Variants in CLSTN2 observed in about 807,000 individuals in gnomAD.
CLSTN2 encodes the protein calsyntenin 2.
A neutral mutation model predicts 101.2 loss-of-function variants in CLSTN2; 48 were observed. The ratio of observed to expected loss-of-function variants is 0.47; its 90% CI spans 0.38 to 0.60. CLSTN2 has a LOEUF of 0.60. Among genes scored for constraint, CLSTN2 ranks in the 20% least tolerant of loss-of-function variants. CLSTN2 has a pLI of 0.00. For synonymous variants in CLSTN2, 481 were observed against 463.6 expected (o/e 1.04, Z -0.48); for missense variants, 1,160 against 1,238.2 (o/e 0.94, Z 0.95).
intron 1 of CLSTN2, among the ~76,000 whole-genome samples, chr3:140,055,066 T>C (rs745889871): frequency 6.6e-6 from 1 of 152,234 alleles, no homozygotes; most frequent in Non-Finnish European, 1.5e-5. Flanking sequence ...TTCTGTTTTA[T>C]TAATGTTGGA....
At chr3:140,251,750 G>C (rs1559819547) in intron 2 of CLSTN2, among the ~76,000 whole-genome samples, 1 of 152,050 alleles carries the variant, frequency 6.6e-6, no homozygotes, top group Admixed American at 6.6e-5. Context: ...GTAAGGACAG[G>C]TTTCTGCCTT....
intron 1 of CLSTN2, among the ~76,000 whole-genome samples, chr3:140,051,004 G>A (rs1166666170): frequency 6.6e-6 from 1 of 152,178 alleles, no homozygotes; most frequent in Admixed American, 6.5e-5. Flanking sequence ...AACACACAAA[G>A]GGCACATTTG....
intron 6 of CLSTN2, chr3:140,454,294 G>C (rs550582645): frequency 2.0e-5 from 3 of 152,154 alleles, no homozygotes; most frequent in Admixed American, 1.3e-4. Context: ...AAAGCAACTA[G>C]GTATCCATGG....
chr3:139,959,231 A>G (rs1351914944), intron 1 of CLSTN2, among the ~76,000 whole-genome samples: 1 of 151,956 alleles, frequency 6.6e-6, no homozygotes, highest in Non-Finnish European at 1.5e-5. Flanking sequence ...GGCTGTGGAG[A>G]CCGTGTCTCC....
chr3:140,132,742 T>A (rs2009541659), intron 1 of CLSTN2, among the ~76,000 whole-genome samples: 1 of 152,210 alleles, frequency 6.6e-6, no homozygotes, highest in African/African-American at 2.4e-5. Flanking sequence ...TGCAAAACAG[T>A]TCTTGCAAAA....
intron 1 of CLSTN2, among the ~76,000 whole-genome samples, chr3:139,965,223 A>G (rs577971681): frequency 6.6e-6 from 1 of 152,318 alleles, no homozygotes; most frequent in East Asian, 1.9e-4. Flanking sequence ...GTGGTTCTGC[A>G]TGGGAAGGAT....
At chr3:140,220,275 G>A (rs900565877) in intron 2 of CLSTN2, among the ~76,000 whole-genome samples, 5 of 152,296 alleles carry the variant, frequency 3.3e-5, no homozygotes, top group Middle Eastern at 6.8e-3. Flanking sequence ...CAATGCCATG[G>A]CATAATGATC....
chr3:140,458,997 G>A (rs772381782), intron 6 of CLSTN2, among the ~76,000 whole-genome samples: 45 of 152,270 alleles, frequency 3.0e-4, no homozygotes, highest in Non-Finnish European at 3.8e-4. Context: ...CTTCTTATGG[G>A]ATCAGGATCT....
chr3:140,509,734 C>T (rs557057390), intron 8 of CLSTN2, among the ~76,000 whole-genome samples: 4 of 152,306 alleles, frequency 2.6e-5, no homozygotes, highest in South Asian at 2.1e-4. Context: ...ACCCCCACTT[C>T]GTTGAGACTG....
intron 1 of CLSTN2, among the ~76,000 whole-genome samples, chr3:139,936,347 A>C (rs866778635): frequency 6.6e-6 from 1 of 152,042 alleles, no homozygotes; most frequent in Admixed American, 6.5e-5. Flanking sequence ...GCGAGGGAAG[A>C]GCAGAGCTGG....
intron 8 of CLSTN2, among the ~76,000 whole-genome samples, chr3:140,490,449 A>G (rs1248902919): frequency 6.6e-6 from 1 of 151,680 alleles, no homozygotes; most frequent in Non-Finnish European, 1.5e-5. Context: ...CACTTATTCC[A>G]GAAAACTGAA....
intron 10 of CLSTN2, among the ~76,000 whole-genome samples, chr3:140,552,031 G>C (rs1935713280): frequency 6.6e-6 from 1 of 151,962 alleles, no homozygotes; most frequent in African/African-American, 2.4e-5. Context: ...TGGACCATGG[G>C]CAGGCAGGTG....
At chr3:140,223,881 A>G (rs1427202544) in intron 2 of CLSTN2, among the ~76,000 whole-genome samples, 1 of 152,130 alleles carries the variant, frequency 6.6e-6, no homozygotes, top group Non-Finnish European at 1.5e-5. Flanking sequence ...ATCAAGTCAA[A>G]TATTTCAGGT....
At chr3:140,413,184 T>C (rs2088385037) in intron 4 of CLSTN2, among the ~76,000 whole-genome samples, 1 of 151,680 alleles carries the variant, frequency 6.6e-6, no homozygotes. Context: ...CTCAAATAGA[T>C]GAAATCAGAA....
At chr3:140,512,918 T>A (rs975611216) in intron 8 of CLSTN2, among the ~76,000 whole-genome samples, 1 of 152,150 alleles carries the variant, frequency 6.6e-6, no homozygotes, top group Non-Finnish European at 1.5e-5. Context: ...TCTGCTTGCA[T>A]GTTGTTGGTG....
intron 5 of CLSTN2, among the ~76,000 whole-genome samples, chr3:140,443,772 G>T (rs1188985871): frequency 2.0e-5 from 3 of 152,168 alleles, no homozygotes; most frequent in African/African-American, 7.2e-5. Context: ...GAAGGTCCCT[G>T]TGTTAGGCCC....
Position 140,404,616 on chromosome 3 carries a change from C to A in CLSTN2, c.487C>A (p.Pro163Thr), listed in dbSNP as rs1369852044. 6.2e-7 allele frequency: 1 copy of A among 1,614,198 alleles called. No individual in the cohort carries two copies. ...CGAGTTTGCTCCCACCTTCAAAGAG[C>A]CAGCCTACAAGGCTGTTGTGACGGA... ...VNEFAPTFKE[P>T]AYKAVVTEGK... Residue 163 changes from proline to threonine, a missense_variant, in exon 4 of 17, where the codon CCA (proline) becomes ACA (threonine). Transcript: ENST00000458420.
At chr3:140,416,299 G>T in intron 4 of CLSTN2, among the ~76,000 whole-genome samples, 1 of 152,230 alleles carries the variant, frequency 6.6e-6, no homozygotes, top group African/African-American at 2.4e-5. Context: ...ACAGCAGGGT[G>T]ACTATAGCTA....
chr3:139,991,821 G>T (rs1936119924), intron 1 of CLSTN2, among the ~76,000 whole-genome samples: 1 of 152,168 alleles, frequency 6.6e-6, no homozygotes, highest in African/African-American at 2.4e-5. Flanking sequence ...CCAGGTGCTT[G>T]GGCAACATGG....
Sources: gnomAD v4.1 joint callset for allele counts (sites outside exome capture counted in the v4.1 genomes callset) on GRCh38, gnomAD v4.1.1 for gene constraint, MANE v1.5 for transcripts, NCBI Gene and HGNC (gene_info 2026-07-23, HGNC 2026-07-21) for gene names.